CDH13: variants seen among roughly 807,000 people sequenced by gnomAD.
CDH13 encodes the protein cadherin 13.
CDH13 carries 24 observed loss-of-function variants against 63.8 expected under a neutral mutation model. The ratio of observed to expected loss-of-function variants is 0.38; its 90% CI spans 0.27 to 0.53. The LOEUF (loss-of-function observed/expected upper bound fraction) is 0.53. CDH13 is among the 20% of genes least tolerant of loss of function. CDH13 has a pLI of 0.85. For missense variants in CDH13, 1,049 were observed against 903.1 expected, an observed-to-expected ratio of 1.16 and a Z score of -2.07; for synonymous variants, 503 against 355.3, an observed-to-expected ratio of 1.42 and a Z score of -4.67.
In CDH13 at chr16:82,903,406, C is replaced by T. The variant is rs574766919; in HGVS notation, c.157+44933C>T. Among the ~76,000 whole-genome samples the T allele has an allele frequency of 1.4e-4, 22 of 152,286 alleles. No individual in the cohort carries two copies. In the East Asian group the frequency reaches 2.9e-3, roughly 20 times the overall value. On this transcript the variant is annotated intron_variant, in intron 2 of 13. Transcript: ENST00000567109. ...AGAGCTTTGGATTGCTTTGCCTACC[C>T]GCAGTGGACTTGCTCACACATAAGT...
At chr16:83,653,299 G>C (rs1001379667) in intron 8 of CDH13, among the ~76,000 whole-genome samples, 2 of 152,050 alleles carry the variant, frequency 1.3e-5, no homozygotes, top group African/African-American at 4.8e-5. Flanking sequence ...TGAATTTTTT[G>C]GTATGTGAAT....
chr16:83,300,078 A>C (rs1250380962), intron 5 of CDH13, among the ~76,000 whole-genome samples: 2 of 152,230 alleles, frequency 1.3e-5, no homozygotes, highest in African/African-American at 4.8e-5. Context: ...GATGCAAGTC[A>C]CTAGTTTTAG....
At chr16:83,052,639 G>C (rs868060635) in intron 3 of CDH13, among the ~76,000 whole-genome samples, 51 of 152,048 alleles carry the variant, frequency 3.4e-4, no homozygotes, top group South Asian at 1.2e-3. Context: ...AATTAGCCAG[G>C]CATGGTGGTG....
intron 2 of CDH13, among the ~76,000 whole-genome samples, chr16:82,879,839 A>G (rs1157724394): frequency 7.0e-6 from 1 of 142,012 alleles, no homozygotes. Context: ...AAATTATGCA[A>G]ATTATATTTG....
intron 5 of CDH13, among the ~76,000 whole-genome samples, chr16:83,221,586 T>A (rs2039700778): frequency 6.7e-6 from 1 of 150,076 alleles, no homozygotes; most frequent in Non-Finnish European, 1.5e-5. Context: ...ATCTACTGGC[T>A]GCAAATTTGC....
At chr16:83,011,306 A>T (rs922850522) in intron 2 of CDH13, among the ~76,000 whole-genome samples, 66 of 152,204 alleles carry the variant, frequency 4.3e-4, no homozygotes, top group African/African-American at 1.4e-3. Context: ...TGATGACGTC[A>T]TGCTTGCAAA....
At chr16:83,065,495 A>G (rs1354685950) in intron 3 of CDH13, among the ~76,000 whole-genome samples, 1 of 152,162 alleles carries the variant, frequency 6.6e-6, no homozygotes, top group Non-Finnish European at 1.5e-5. Flanking sequence ...ACTTGAGATC[A>G]GGAGTTCAAA....
At chr16:83,077,781 G>C (rs1429202973) in intron 3 of CDH13, among the ~76,000 whole-genome samples, 1 of 152,166 alleles carries the variant, frequency 6.6e-6, no homozygotes, top group Non-Finnish European at 1.5e-5. Flanking sequence ...TATCAGAAGT[G>C]TTCACTTATT....
intron 7 of CDH13, among the ~76,000 whole-genome samples, chr16:83,530,492 C>G (rs148574873): frequency 6.6e-6 from 1 of 152,174 alleles, no homozygotes; most frequent in East Asian, 1.9e-4. Context: ...GTGGCTCTGT[C>G]CTTGAGGACA....
chr16:82,631,514 C>G (rs999583343), intron 1 of CDH13, among the ~76,000 whole-genome samples: 18 of 152,228 alleles, frequency 1.2e-4, no homozygotes, highest in African/African-American at 4.1e-4. Flanking sequence ...GGCATTGTTT[C>G]TATTTAGCTG....
intron 2 of CDH13, among the ~76,000 whole-genome samples, chr16:82,986,331 A>G (rs1910935005): frequency 6.6e-6 from 1 of 152,194 alleles, no homozygotes; most frequent in Non-Finnish European, 1.5e-5. Flanking sequence ...ATTTGATACA[A>G]TCAAAACCAA....
chr16:83,091,753 C>G (rs1486506775), intron 3 of CDH13, among the ~76,000 whole-genome samples: 3 of 152,162 alleles, frequency 2.0e-5, no homozygotes, highest in Non-Finnish European at 2.9e-5. Context: ...GTTTTGTTCA[C>G]TACATACTAT....
rs543531051 is a variant in CDH13 at position 82,726,992 on chromosome 16, A to C, written c.45+99855A>C. On this transcript the variant is annotated intron_variant, in intron 1 of 13. Transcript: ENST00000567109. Reference sequence around the variant, plus strand: ...ATGAACAAGTCCAAATTACTACAAAACTGCTTTTGTTCTTCTTCTAATGAA... The same window carrying C: ...ATGAACAAGTCCAAATTACTACAAACCTGCTTTTGTTCTTCTTCTAATGAA... 1.6e-4 allele frequency among the ~76,000 whole-genome samples: 24 copies of C among 152,174 alleles called. 1 individual carries two copies. The South Asian group carries it at 4.1e-3, about 26-fold the overall frequency.
At chr16:83,534,842 A>C (rs2075153322) in intron 7 of CDH13, among the ~76,000 whole-genome samples, 1 of 152,208 alleles carries the variant, frequency 6.6e-6, no homozygotes, top group Admixed American at 6.5e-5. Flanking sequence ...TACACACCCA[A>C]AATTGGGTCA....
chr16:82,665,908 A>G (rs1912527459), intron 1 of CDH13, among the ~76,000 whole-genome samples: 1 of 152,146 alleles, frequency 6.6e-6, no homozygotes, highest in African/African-American at 2.4e-5. Flanking sequence ...TGTACCACAT[A>G]TTTCTGGACC....
chr16:83,737,595 G>A (rs1182137571), intron 10 of CDH13, among the ~76,000 whole-genome samples: 3 of 152,082 alleles, frequency 2.0e-5, no homozygotes, highest in Admixed American at 1.3e-4. Flanking sequence ...CCAGCTGTGG[G>A]ACATAGACCT....
At chr16:83,065,190 G>T (rs889086520) in intron 3 of CDH13, among the ~76,000 whole-genome samples, 1 of 152,206 alleles carries the variant, frequency 6.6e-6, no homozygotes, top group East Asian at 1.9e-4. Flanking sequence ...GCTTTAGAAA[G>T]AAGAGATTCT....
intron 2 of CDH13, among the ~76,000 whole-genome samples, chr16:82,998,801 C>G (rs1270246779): frequency 6.6e-6 from 1 of 150,794 alleles, no homozygotes; most frequent in African/African-American, 2.4e-5. Flanking sequence ...TCCCCTAAAT[C>G]TCATTCATGT....
At chr16:83,468,583 C>T (rs2073376417) in intron 6 of CDH13, among the ~76,000 whole-genome samples, 2 of 151,700 alleles carry the variant, frequency 1.3e-5, no homozygotes, top group Non-Finnish European at 2.9e-5. Flanking sequence ...ACTGAGGAGA[C>T]AGAAACCCAG....
Sources: allele counts gnomAD v4.1 joint callset (sites outside exome capture counted in the v4.1 genomes callset), GRCh38; gene constraint gnomAD v4.1.1; transcripts MANE v1.5; gene names NCBI Gene and HGNC (gene_info 2026-07-23, HGNC 2026-07-21).